TMTC2: variants seen among roughly 807,000 people sequenced by gnomAD.
The protein encoded by TMTC2 is protein O-mannosyl-transferase TMTC2.
In TMTC2, 43 loss-of-function variants were observed where a neutral mutation model predicts 82.4. The ratio of observed to expected loss-of-function variants is 0.52; its 90% CI spans 0.41 to 0.67. The LOEUF is 0.67. Among genes scored for constraint, TMTC2 ranks in the 30% least tolerant of loss-of-function variants. The probability of loss-of-function intolerance (pLI) is 0.00; values close to 1 mark genes in which losing one functional copy is unlikely to be tolerated. For missense variants in TMTC2, 919 were observed against 1,012.4 expected (o/e 0.91, Z 1.25); for synonymous variants, 408 against 381.9 (o/e 1.07, Z -0.80).
intron 3 of TMTC2, among the ~76,000 whole-genome samples, chr12:82,907,329 G>A (rs1874377389): frequency 6.6e-6 from 1 of 151,922 alleles, no homozygotes; most frequent in Non-Finnish European, 1.5e-5. Flanking sequence ...TGGGCGTGGT[G>A]GTGCGCGCCT....
At chr12:82,778,370 T>C (rs896731233) in intron 1 of TMTC2, among the ~76,000 whole-genome samples, 1 of 152,154 alleles carries the variant, frequency 6.6e-6, no homozygotes, top group African/African-American at 2.4e-5. Context: ...TGAAATAAGA[T>C]TTGCTAAGTA....
intron 3 of TMTC2, among the ~76,000 whole-genome samples, chr12:82,901,281 G>A (rs1592613060): frequency 7.4e-6 from 1 of 135,372 alleles, no homozygotes; most frequent in East Asian, 2.1e-4. Flanking sequence ...TATAGAGAGA[G>A]TAATATATAT....
intron 1 of TMTC2, among the ~76,000 whole-genome samples, chr12:82,757,526 CT>C (rs1701595746): frequency 6.6e-6 from 1 of 152,126 alleles, no homozygotes; most frequent in South Asian, 2.1e-4. Flanking sequence ...AGGAAATACA[CT>C]TTTTATATTT....
intron 1 of TMTC2, among the ~76,000 whole-genome samples, chr12:82,701,008 C>G (rs1206365569): frequency 6.6e-6 from 1 of 152,044 alleles, no homozygotes; most frequent in Non-Finnish European, 1.5e-5. Flanking sequence ...ATCATGAGAA[C>G]AGCATGGGAA....
chr12:82,995,337 T>C (rs12227907), intron 8 of TMTC2, among the ~76,000 whole-genome samples: 6 of 150,088 alleles, frequency 4.0e-5, no homozygotes, highest in East Asian at 2.0e-4. Context: ...CACACACACA[T>C]ACACACACAC....
intron 10 of TMTC2, among the ~76,000 whole-genome samples, chr12:83,051,906 T>C (rs1047523756): frequency 2.0e-5 from 3 of 152,188 alleles, no homozygotes; most frequent in African/African-American, 7.2e-5. Context: ...TAAATGGTTC[T>C]TTAGATTAAA....
intron 1 of TMTC2, among the ~76,000 whole-genome samples, chr12:82,791,298 T>A (rs1878458313): frequency 6.6e-6 from 1 of 152,136 alleles, no homozygotes; most frequent in Non-Finnish European, 1.5e-5. Flanking sequence ...CTTTAAGTTT[T>A]TATTTATTTA....
At chr12:83,111,318 A>G (rs1884592210) in intron 11 of TMTC2, among the ~76,000 whole-genome samples, 1 of 152,224 alleles carries the variant, frequency 6.6e-6, no homozygotes, top group Admixed American at 6.5e-5. Context: ...CATAGTAAAT[A>G]TTTCAAGCTT....
intron 11 of TMTC2, among the ~76,000 whole-genome samples, chr12:83,090,204 C>A (rs1592739825): frequency 6.6e-6 from 1 of 152,148 alleles, no homozygotes; most frequent in African/African-American, 2.4e-5. Context: ...GATATACTTT[C>A]CTAGATTTAG....
intron 7 of TMTC2, among the ~76,000 whole-genome samples, chr12:82,985,481 A>G (rs1042814592): frequency 6.6e-6 from 1 of 152,188 alleles, no homozygotes; most frequent in African/African-American, 2.4e-5. Flanking sequence ...TGTGGATAGG[A>G]TCTCACACTT....
chr12:83,037,028 C>T (rs1881691252), intron 9 of TMTC2, among the ~76,000 whole-genome samples: 1 of 152,188 alleles, frequency 6.6e-6, no homozygotes, highest in Non-Finnish European at 1.5e-5. Context: ...GGGGTCCACC[C>T]TCATGACCCA....
intron 9 of TMTC2, among the ~76,000 whole-genome samples, chr12:83,047,794 A>G (rs1289145671): frequency 6.6e-6 from 1 of 152,252 alleles, no homozygotes; most frequent in Non-Finnish European, 1.5e-5. Context: ...AAGCTAATTT[A>G]AAACATAAAG....
At chr12:82,726,307 ACAGGGTACAT>A (rs1874441457) in intron 1 of TMTC2, among the ~76,000 whole-genome samples, 1 of 152,208 alleles carries the variant, frequency 6.6e-6, no homozygotes, top group African/African-American at 2.4e-5. Context: ...GATTAAAAAC[ACAGGGTACAT>A]CATAGATGAC....
At chr12:83,043,216 A>G (rs992790214) in intron 9 of TMTC2, among the ~76,000 whole-genome samples, 1 of 152,192 alleles carries the variant, frequency 6.6e-6, no homozygotes, top group South Asian at 2.1e-4. Flanking sequence ...ATTTTTAATT[A>G]TCTCAGAGAA....
rs189891647 is a variant in TMTC2 at position 82,987,986 on chromosome 12, A to G, written c.2070+1940A>G. ...TTCCGAAGCCAATAAATTAAATAAA[A>G]TTTAGTCTACTAAAAACTTTTGCTG... On this transcript the variant is annotated intron_variant, in intron 8 of 11. Transcript: ENST00000321196. Among the ~76,000 whole-genome samples the G allele has an allele frequency of 1.2e-4, 19 of 152,340 alleles. No individual in the cohort carries two copies. The East Asian group carries it at 3.3e-3, about 26-fold the overall frequency.
At chr12:82,893,736 A>G (rs1873516461) in intron 2 of TMTC2, among the ~76,000 whole-genome samples, 1 of 152,202 alleles carries the variant, frequency 6.6e-6, no homozygotes, top group African/African-American at 2.4e-5. Context: ...GTAAAAATGG[A>G]CATATCACCA....
At chr12:82,827,738 A>T (rs149407939) in intron 1 of TMTC2, among the ~76,000 whole-genome samples, 1 of 147,944 alleles carries the variant, frequency 6.8e-6, no homozygotes, top group African/African-American at 2.5e-5. Context: ...TCTGCTGCCC[A>T]GGCTGGAATG....
chr12:82,882,148 C>G (rs1703090), intron 2 of TMTC2, among the ~76,000 whole-genome samples: 18,252 of 148,066 alleles, frequency 0.12, 4,022 homozygotes, highest in African/African-American at 0.45. Context: ...TACAGGCGCC[C>G]GCCACTACGC....
At chr12:82,945,709 G>A (rs890519382) in intron 4 of TMTC2, among the ~76,000 whole-genome samples, 1 of 152,166 alleles carries the variant, frequency 6.6e-6, no homozygotes, top group Non-Finnish European at 1.5e-5. Flanking sequence ...ATTTATTTGT[G>A]TAGTTCCAAT....
Sources: allele counts gnomAD v4.1 joint callset (sites outside exome capture counted in the v4.1 genomes callset), GRCh38; gene constraint gnomAD v4.1.1; transcripts MANE v1.5; gene names NCBI Gene and HGNC (gene_info 2026-07-23, HGNC 2026-07-21).